MAPK14: variants seen among roughly 807,000 people sequenced by gnomAD.
MAPK14 encodes CSAID-binding protein.
MAPK14 carries 16 observed loss-of-function variants against 49.6 expected under a neutral mutation model. The ratio of observed to expected loss-of-function variants is 0.32; its 90% CI spans 0.22 to 0.49. The LOEUF (loss-of-function observed/expected upper bound fraction) is 0.49, where lower values mean the gene tolerates loss of function less well. Among genes scored for constraint, MAPK14 ranks in the 20% least tolerant of loss-of-function variants. The pLI, the probability that MAPK14 is intolerant of heterozygous loss-of-function variation, is 0.99. For synonymous variants in MAPK14, 142 were observed against 158.0 expected (o/e 0.90, Z 0.76); for missense variants, 200 against 441.2 (o/e 0.45, Z 4.90).
intron 8 of MAPK14, among the ~76,000 whole-genome samples, chr6:36,086,830 A>G (rs1333561723): frequency 6.6e-6 from 1 of 152,216 alleles, no homozygotes; most frequent in African/African-American, 2.4e-5. Context: ...CCTGCCAGAA[A>G]TACAACAGAA....
Position 36,108,686 on chromosome 6 carries a change from T to C in MAPK14, c.*239T>C. 1 of 509,832 alleles carries C rather than the reference T, an allele frequency of 2.0e-6. No homozygotes were observed. 31.6% of individuals were successfully genotyped at this position (509,832 alleles called of 1,614,324 possible). A position where few individuals can be genotyped will look rare whatever the true frequency, so the allele number is the denominator to read the frequency against. On this transcript the variant is annotated 3_prime_UTR_variant, in exon 12 of 12. Coordinates refer to ENST00000229794, the MANE Select transcript of MAPK14 (RefSeq NM_139012.3). ...TGACTTTACAGGAGGTTGTGGATGC[T>C]CCAGGGCAGCCTCCACCTTGCTCTT...
chr6:36,075,249 A>AAAT (rs1764482262), intron 6 of MAPK14, among the ~76,000 whole-genome samples: 1 of 145,148 alleles, frequency 6.9e-6, no homozygotes. Context: ...AAAAAAAAAA[A>AAAT]GTTTATTGTG....
At chr6:36,089,572 A>AT (rs1198791192) in intron 8 of MAPK14, among the ~76,000 whole-genome samples, 1 of 152,160 alleles carries the variant, frequency 6.6e-6, no homozygotes, top group Non-Finnish European at 1.5e-5. Context: ...AGAAATACTC[A>AT]TTTTTGTCTT....
chr6:36,031,749 A>G (rs1443524165), intron 1 of MAPK14, among the ~76,000 whole-genome samples: 1 of 152,112 alleles, frequency 6.6e-6, no homozygotes, highest in Non-Finnish European at 1.5e-5. Flanking sequence ...TTAGGGAATA[A>G]CAGTTCATTT....
intron 2 of MAPK14, among the ~76,000 whole-genome samples, chr6:36,058,478 T>C (rs1763670608): frequency 6.6e-6 from 1 of 152,188 alleles, no homozygotes; most frequent in Non-Finnish European, 1.5e-5. Flanking sequence ...TGGGTTAATA[T>C]GAGAATTGAT....
At chr6:36,040,145 G>A (rs1193034333) in intron 1 of MAPK14, among the ~76,000 whole-genome samples, 1 of 152,116 alleles carries the variant, frequency 6.6e-6, no homozygotes, top group Non-Finnish European at 1.5e-5. Context: ...GTATAACCCA[G>A]GGTAATTCAA....
intron 11 of MAPK14, among the ~76,000 whole-genome samples, chr6:36,108,112 C>T (rs1422478003): frequency 6.6e-6 from 1 of 152,316 alleles, no homozygotes; most frequent in South Asian, 2.1e-4. Flanking sequence ...TGAGAGTGCT[C>T]TTTCATTCTT....
rs143457010 is a variant in MAPK14, at chr6:36,074,209, G to T, written c.495+113G>T. The T allele has an allele frequency of 2.0e-4, 133 of 669,788 alleles. No homozygotes were observed. In the African/African-American group the frequency reaches 2.0e-3, roughly 10 times the overall value. 41.5% of individuals were successfully genotyped at this position (669,788 alleles called of 1,614,324 possible). A position where few individuals can be genotyped will look rare whatever the true frequency, so the allele number is the denominator to read the frequency against. On this transcript the variant is annotated intron_variant, in intron 6 of 11. Coordinates refer to ENST00000229794, the MANE Select transcript of MAPK14 (RefSeq NM_139012.3). ...TGTGAGCCATGACTATCTGAAATTC[G>T]TATTATTTTTATTATCAGACTTTGA...
At chr6:36,067,752 A>G (rs1051310849) in intron 3 of MAPK14, among the ~76,000 whole-genome samples, 121 of 152,278 alleles carry the variant, frequency 7.9e-4, no homozygotes, top group African/African-American at 2.8e-3. Flanking sequence ...TCTGCTTACC[A>G]GTAAGATCTT....
intron 1 of MAPK14, among the ~76,000 whole-genome samples, chr6:36,033,251 A>T (rs1452702128): frequency 6.6e-6 from 1 of 152,086 alleles, no homozygotes; most frequent in Non-Finnish European, 1.5e-5. Context: ...ATGTATAAAG[A>T]TTGTTTTAAG....
intron 10 of MAPK14, among the ~76,000 whole-genome samples, chr6:36,105,076 T>G (rs1765761970): frequency 6.6e-6 from 1 of 152,182 alleles, no homozygotes; most frequent in Non-Finnish European, 1.5e-5. Flanking sequence ...AGCACAGTGT[T>G]ACTATCACAA....
the MAPK14 span, among the ~76,000 whole-genome samples, chr6:36,119,598 T>C: frequency 6.6e-6 from 1 of 152,182 alleles, no homozygotes; most frequent in Non-Finnish European, 1.5e-5. Context: ...ACAAATGAAC[T>C]AGAATGATTC....
intron 8 of MAPK14, among the ~76,000 whole-genome samples, chr6:36,085,932 A>G (rs1232477581): frequency 1.3e-5 from 2 of 152,252 alleles, no homozygotes; most frequent in Non-Finnish European, 2.9e-5. Context: ...AGTAACTGCA[A>G]AAGAACTGAA....
Position 36,052,501 on chromosome 6 carries a change from A to G in MAPK14, c.117-198A>G, listed in dbSNP as rs541626785. On this transcript the variant is annotated intron_variant, in intron 1 of 11. Coordinates refer to ENST00000229794, the MANE Select transcript of MAPK14 (RefSeq NM_139012.3). Reference sequence around the variant, plus strand: ...CTTCTGATTTAGATACATAGAAAAGACAAGGAGAAAACACCAAAAATAATA... The same window carrying G: ...CTTCTGATTTAGATACATAGAAAAGGCAAGGAGAAAACACCAAAAATAATA... 2.6e-5 allele frequency among the ~76,000 whole-genome samples: 4 copies of G among 152,370 alleles called. No individual in the cohort carries two copies. In the South Asian group the frequency reaches 8.3e-4, roughly 32 times the overall value.
chr6:36,103,496 A>T (rs1765704907), intron 10 of MAPK14, among the ~76,000 whole-genome samples: 1 of 152,016 alleles, frequency 6.6e-6, no homozygotes, highest in African/African-American at 2.4e-5. Context: ...TGCATCCCCA[A>T]GCCTGGCTAA....
At chr6:36,046,576 A>G (rs775101266) in intron 1 of MAPK14, among the ~76,000 whole-genome samples, 6 of 152,206 alleles carry the variant, frequency 3.9e-5, no homozygotes, top group African/African-American at 9.7e-5. Flanking sequence ...TCAAGATTAT[A>G]TAGCTATTAA....
intron 1 of MAPK14, among the ~76,000 whole-genome samples, chr6:36,043,421 A>G (rs1763044344): frequency 6.6e-6 from 1 of 152,204 alleles, no homozygotes; most frequent in Non-Finnish European, 1.5e-5. Flanking sequence ...CAATTTTTGC[A>G]TAAAGTTGCC....
At chr6:36,108,244 C>A (rs758383157) in intron 11 of MAPK14, 136 bp from the exon 12 acceptor site, 2 of 679,156 alleles carry the variant, frequency 2.9e-6, no homozygotes, top group Non-Finnish European at 5.4e-6. Context: ...TAGGCTATTA[C>A]ATACAAGCTG....
chr6:36,080,742 C>G (rs2127450601), intron 8 of MAPK14, among the ~76,000 whole-genome samples: 1 of 152,104 alleles, frequency 6.6e-6, no homozygotes, highest in East Asian at 1.9e-4. Flanking sequence ...TATGGTAACT[C>G]TATGTTTAAC....
Sources: allele counts gnomAD v4.1 joint callset (sites outside exome capture counted in the v4.1 genomes callset), GRCh38; gene constraint gnomAD v4.1.1; transcripts MANE v1.5; gene names NCBI Gene and HGNC (gene_info 2026-07-23, HGNC 2026-07-21).